The following LNPK variants were observed in gnomAD, a reference collection of about 807,000 sequenced individuals.
LNPK encodes lunapark, ER junction formation factor.
A neutral mutation model predicts 55.2 loss-of-function variants in LNPK; 29 were observed. That is an observed-to-expected ratio of 0.53 (90% confidence interval 0.39 to 0.72). The LOEUF is 0.72. LNPK is among the 30% of genes least tolerant of loss of function. The pLI is 0.00. For missense variants in LNPK, 467 were observed against 494.8 expected (o/e 0.94, Z 0.53); for synonymous variants, 162 against 168.2 (o/e 0.96, Z 0.29).
chr2:175,929,681 ATCATGTT>A lies in LNPK; in HGVS notation c.*279_*285del, dbSNP rs1574793327. ...TATACATACAGAAAACAAGAAGGCA[ATCATGTT>A]TGCTTACTTTTAGAATGGACAAAAA... On this transcript the variant is annotated 3_prime_UTR_variant, in exon 13 of 13. Coordinates refer to ENST00000272748, the MANE Select transcript of LNPK (RefSeq NM_030650.3). The A allele has an allele frequency of 1.7e-6, 2 of 1,196,470 alleles. No individual in the cohort carries two copies. Among genetic ancestry groups the A allele is most frequent in the East Asian group, 8.0e-5 (2 of 25,028 alleles). The allele number at this position is 1,196,470 out of a possible 1,614,324, so 74.1% of individuals were successfully genotyped here.
At chr2:175,988,005 A>T (rs903239265) in intron 4 of LNPK, among the ~76,000 whole-genome samples, 8 of 152,218 alleles carry the variant, frequency 5.3e-5, no homozygotes, top group Non-Finnish European at 8.8e-5. Context: ...AATTCAATCA[A>T]TATAACTAAA....
At chr2:175,954,083 T>C (rs1029154179) in intron 8 of LNPK, among the ~76,000 whole-genome samples, 1 of 152,172 alleles carries the variant, frequency 6.6e-6, no homozygotes, top group Non-Finnish European at 1.5e-5. Context: ...CAAATTATTA[T>C]TAAAAGTTAT....
intron 4 of LNPK, among the ~76,000 whole-genome samples, chr2:175,986,490 C>T (rs898325823): frequency 1.3e-5 from 2 of 151,896 alleles, no homozygotes; most frequent in Non-Finnish European, 2.9e-5. Context: ...AAAACTAAAG[C>T]AGTGGTCAGA....
chr2:175,979,691 C>A, intron 5 of LNPK, 119 bp downstream of exon 5: 1 of 784,760 alleles, frequency 1.3e-6, no homozygotes, highest in Non-Finnish European at 1.9e-6. Flanking sequence ...TTATAATAAA[C>A]AACTCTTCAA....
chr2:176,000,728 A>G (rs924743815), intron 1 of LNPK, among the ~76,000 whole-genome samples: 1 of 152,228 alleles, frequency 6.6e-6, no homozygotes, highest in African/African-American at 2.4e-5. Context: ...AACATATTAT[A>G]CTATACAATT....
At position 175,928,997 on chromosome 2, in the gene LNPK, T is replaced by A; in HGVS notation, c.*970A>T. 1 of 411,266 alleles carries A rather than the reference T, an allele frequency of 2.4e-6. No homozygotes were observed. Among genetic ancestry groups the A allele is most frequent in the Non-Finnish European group, 3.3e-6 (1 of 304,728 alleles). 25.5% of individuals were successfully genotyped at this position (411,266 alleles called of 1,614,324 possible). A position where few individuals can be genotyped will look rare whatever the true frequency, so the allele number is the denominator to read the frequency against. ...CAAGTCTGAATAAAAGTACCATAAT[T>A]TGCTCTAAGCAGAATCTACAGATTT... On this transcript the variant is annotated 3_prime_UTR_variant, in exon 13 of 13. Coordinates refer to ENST00000272748, the MANE Select transcript of LNPK (RefSeq NM_030650.3).
chr2:175,986,043 G>A lies in LNPK; in HGVS notation c.258-6175C>T, dbSNP rs1044025865. Among the ~76,000 whole-genome samples the A allele has an allele frequency of 3.9e-5, 6 of 152,130 alleles. No homozygotes were observed. In the East Asian group the frequency reaches 7.7e-4, roughly 20 times the overall value. On this transcript the variant is annotated intron_variant, in intron 4 of 12. Coordinates refer to ENST00000272748, the MANE Select transcript of LNPK (RefSeq NM_030650.3). ...TCTTCTTAAAGGATGTGTTTCTAAC[G>A]AAGATATAACAGAAATACCCATGTA... is the stretch of plus-strand genomic sequence containing the variant.
At chr2:175,969,816 G>A (rs1686568391) in intron 6 of LNPK, among the ~76,000 whole-genome samples, 1 of 152,092 alleles carries the variant, frequency 6.6e-6, no homozygotes, top group Admixed American at 6.5e-5. Flanking sequence ...ATACCTCACA[G>A]GACACCCAAT....
At chr2:175,956,949 TA>T (rs1181574109) in intron 8 of LNPK, among the ~76,000 whole-genome samples, 1 of 152,178 alleles carries the variant, frequency 6.6e-6, no homozygotes, top group Non-Finnish European at 1.5e-5. Flanking sequence ...GCATTAAATT[TA>T]TGACTATTCA....
At chr2:175,991,160 T>C (rs757875096) in intron 4 of LNPK, among the ~76,000 whole-genome samples, 3 of 152,150 alleles carry the variant, frequency 2.0e-5, no homozygotes, top group Non-Finnish European at 4.4e-5. Flanking sequence ...AATCTTTATA[T>C]GGAAATATAT....
At chr2:175,949,687 T>C (rs994238305) in intron 8 of LNPK, among the ~76,000 whole-genome samples, 6 of 152,016 alleles carry the variant, frequency 3.9e-5, no homozygotes, top group Admixed American at 2.0e-4. Flanking sequence ...TGTCAAGCAT[T>C]CCATAAAAGA....
intron 12 of LNPK, among the ~76,000 whole-genome samples, chr2:175,934,008 G>A (rs1036964129): frequency 7.2e-5 from 11 of 152,152 alleles, no homozygotes; most frequent in Non-Finnish European, 1.2e-4. Flanking sequence ...GATTACAGGC[G>A]TGAGCCACCG....
chr2:175,939,691 T>C (rs1249497948), intron 9 of LNPK, 34 bp from the exon 10 acceptor site: 4 of 999,268 alleles, frequency 4.0e-6, no homozygotes, highest in Non-Finnish European at 4.5e-6. Context: ...AAAATTTATA[T>C]ACATGAAATA....
Position 175,927,561 on chromosome 2 carries a change from A to G in LNPK, c.*2406T>C, listed in dbSNP as rs532516168. ...ACTGAAAGGAGTTCCATATGGCTAC[A>G]GCACAATGATGGCGGGAAGACGGAG... is the stretch of plus-strand genomic sequence containing the variant. On this transcript the variant is annotated 3_prime_UTR_variant, in exon 13 of 13. Transcript: ENST00000272748. 2.0e-5 allele frequency: 3 copies of G among 152,224 alleles called. No homozygotes were observed. In the East Asian group the frequency reaches 5.8e-4, roughly 29 times the overall value. 9.4% of individuals were successfully genotyped at this position (152,224 alleles called of 1,614,324 possible).
intron 12 of LNPK, among the ~76,000 whole-genome samples, chr2:175,934,377 T>G (rs980503698): frequency 6.6e-6 from 1 of 152,184 alleles, no homozygotes; most frequent in Non-Finnish European, 1.5e-5. Context: ...AAGTTAAATT[T>G]TACCTTATAT....
At chr2:175,975,646 T>C (rs926422218) in intron 5 of LNPK, among the ~76,000 whole-genome samples, 6 of 152,238 alleles carry the variant, frequency 3.9e-5, no homozygotes, top group East Asian at 1.9e-4. Context: ...TTATTGACTA[T>C]AGTCACCCTA....
At chr2:175,946,724 A>C (rs1463585019) in intron 9 of LNPK, among the ~76,000 whole-genome samples, 4 of 152,150 alleles carry the variant, frequency 2.6e-5, no homozygotes, top group Non-Finnish European at 2.9e-5. Flanking sequence ...AAAGTAATCT[A>C]CATTAGAATA....
chr2:175,956,107 C>T (rs1344133763), intron 8 of LNPK, among the ~76,000 whole-genome samples: 2 of 151,760 alleles, frequency 1.3e-5, no homozygotes, highest in Admixed American at 6.6e-5. Flanking sequence ...TAGTGAAACC[C>T]CATCTCTACA....
intron 9 of LNPK, among the ~76,000 whole-genome samples, chr2:175,945,189 G>A (rs140076173): frequency 2.1e-5 from 3 of 142,520 alleles, no homozygotes; most frequent in Non-Finnish European, 3.1e-5. Context: ...GTGAGCCACC[G>A]TGCCCGGCTC....
Sources: gnomAD v4.1 joint callset for allele counts (sites outside exome capture counted in the v4.1 genomes callset) on GRCh38, gnomAD v4.1.1 for gene constraint, MANE v1.5 for transcripts, NCBI Gene and HGNC (gene_info 2026-07-23, HGNC 2026-07-21) for gene names.